The following GRM1 variants were observed in gnomAD, a reference collection of about 807,000 sequenced individuals.
GRM1 encodes metabotropic glutamate receptor 1.
GRM1 carries 33 observed loss-of-function variants against 90.9 expected under a neutral mutation model. The ratio of observed to expected loss-of-function variants is 0.36; its 90% CI spans 0.28 to 0.49. The LOEUF (loss-of-function observed/expected upper bound fraction) is 0.49. Ranked by LOEUF, GRM1 falls within the 20% of genes least tolerant of loss-of-function variation. The pLI is 0.99. For missense variants in GRM1, 1,190 were observed against 1,534.3 expected, an observed-to-expected ratio of 0.78 and a Z score of 3.75; for synonymous variants, 700 against 613.2, an observed-to-expected ratio of 1.14 and a Z score of -2.09.
intron 2 of GRM1, among the ~76,000 whole-genome samples, chr6:146,187,651 T>C (rs1778781284): frequency 6.6e-6 from 1 of 152,020 alleles, no homozygotes; most frequent in Non-Finnish European, 1.5e-5. Flanking sequence ...ATGGATGTTC[T>C]CTTATTACTG....
At chr6:146,126,420 C>A (rs1776202493) in intron 1 of GRM1, among the ~76,000 whole-genome samples, 1 of 152,044 alleles carries the variant, frequency 6.6e-6, no homozygotes. Flanking sequence ...CAAGTATACA[C>A]ATATTTTAAA....
intron 2 of GRM1, among the ~76,000 whole-genome samples, chr6:146,199,084 C>A (rs1274133889): frequency 1.3e-5 from 2 of 152,168 alleles, no homozygotes; most frequent in African/African-American, 4.8e-5. Flanking sequence ...TCTCCTAGAC[C>A]AGGTCAGCAG....
intron 6 of GRM1, among the ~76,000 whole-genome samples, chr6:146,397,661 C>T (rs909345973): frequency 2.0e-5 from 3 of 152,020 alleles, no homozygotes; most frequent in Admixed American, 6.6e-5. Flanking sequence ...AGCTGGTTGA[C>T]ATCACCTGTA....
intron 5 of GRM1, among the ~76,000 whole-genome samples, chr6:146,359,912 A>G (rs531644238): frequency 2.0e-5 from 3 of 152,328 alleles, no homozygotes; most frequent in Admixed American, 1.3e-4. Context: ...CATGCTCTCA[A>G]TACCAACCTG....
chr6:146,344,514 G>C (rs1785101530), intron 3 of GRM1, among the ~76,000 whole-genome samples: 1 of 152,100 alleles, frequency 6.6e-6, no homozygotes, highest in African/African-American at 2.4e-5. Context: ...AGACCTCCTT[G>C]CCTGTGTGCT....
intron 3 of GRM1, among the ~76,000 whole-genome samples, chr6:146,334,961 T>C (rs1174742412): frequency 1.3e-5 from 2 of 152,130 alleles, no homozygotes; most frequent in Non-Finnish European, 2.9e-5. Flanking sequence ...TTCTCTTTAT[T>C]GGATTTTTTC....
intron 2 of GRM1, among the ~76,000 whole-genome samples, chr6:146,266,581 T>C (rs1459275649): frequency 6.6e-6 from 1 of 152,208 alleles, no homozygotes; most frequent in African/African-American, 2.4e-5. Flanking sequence ...CTTTCCCTGA[T>C]CTCCCAGCTT....
chr6:146,028,454 A>T (rs889753317), upstream of GRM1, among the ~76,000 whole-genome samples: 1 of 151,862 alleles, frequency 6.6e-6, no homozygotes, highest in Non-Finnish European at 1.5e-5. Context: ...GCAACCCGGA[A>T]GCTCCCCTCC....
chr6:146,381,484 G>A (rs1776316017), intron 5 of GRM1, among the ~76,000 whole-genome samples: 1 of 152,166 alleles, frequency 6.6e-6, no homozygotes, highest in South Asian at 2.1e-4. Context: ...GCATCATGCT[G>A]CAGCATCTAG....
intron 1 of GRM1, among the ~76,000 whole-genome samples, chr6:146,051,734 T>G (rs538717076): frequency 6.6e-6 from 1 of 152,084 alleles, no homozygotes. Context: ...TTCATAATTG[T>G]TAGTGGATTT....
At chr6:146,035,794 A>G (rs566325787) in intron 1 of GRM1, among the ~76,000 whole-genome samples, 10 of 151,948 alleles carry the variant, frequency 6.6e-5, no homozygotes, top group Non-Finnish European at 1.5e-4. Context: ...TTTCTTTTAT[A>G]TCTTGGCTGG....
intron 2 of GRM1, among the ~76,000 whole-genome samples, chr6:146,215,617 A>T (rs1779842517): frequency 1.3e-5 from 2 of 151,190 alleles, no homozygotes; most frequent in Admixed American, 1.3e-4. Context: ...CTGATATTTT[A>T]AAAATGTGTT....
At chr6:146,230,628 A>G (rs1208569185) in intron 2 of GRM1, among the ~76,000 whole-genome samples, 2 of 151,902 alleles carry the variant, frequency 1.3e-5, no homozygotes, top group Non-Finnish European at 2.9e-5. Flanking sequence ...AACTAAACAC[A>G]CTCTTACCGT....
chr6:146,275,059 A>G (rs1782304478), intron 2 of GRM1, among the ~76,000 whole-genome samples: 2 of 152,166 alleles, frequency 1.3e-5, no homozygotes, highest in South Asian at 4.1e-4. Flanking sequence ...AAAATTAAAA[A>G]GAAAAAGATG....
At chr6:146,348,793 T>A (rs781159040) in intron 3 of GRM1, among the ~76,000 whole-genome samples, 5 of 152,144 alleles carry the variant, frequency 3.3e-5, no homozygotes, top group Non-Finnish European at 5.9e-5. Flanking sequence ...TTGACAATGG[T>A]GCCAGGGCAC....
intron 2 of GRM1, among the ~76,000 whole-genome samples, chr6:146,189,318 C>T (rs1457700275): frequency 6.6e-6 from 1 of 152,176 alleles, no homozygotes; most frequent in African/African-American, 2.4e-5. Context: ...TTCCCACCAG[C>T]TTTTTGAGCC....
chr6:146,143,036 C>A (rs1388608155), intron 1 of GRM1, among the ~76,000 whole-genome samples: 4 of 152,164 alleles, frequency 2.6e-5, no homozygotes, highest in African/African-American at 9.7e-5. Context: ...CAGTCTCCCC[C>A]AAGGCCCATG....
At chr6:146,409,874 CT>C (rs1482273350) in intron 7 of GRM1, among the ~76,000 whole-genome samples, 1 of 152,112 alleles carries the variant, frequency 6.6e-6, no homozygotes. Flanking sequence ...GGCTGAGCCC[CT>C]AGGTGATGCT....
At chr6:146,289,670 A>T (rs1359339454) in intron 2 of GRM1, among the ~76,000 whole-genome samples, 1 of 152,156 alleles carries the variant, frequency 6.6e-6, no homozygotes, top group African/African-American at 2.4e-5. Flanking sequence ...CATTCATAGT[A>T]AGTGTCCTGT....
Sources: gnomAD v4.1 joint callset for allele counts (sites outside exome capture counted in the v4.1 genomes callset) on GRCh38, gnomAD v4.1.1 for gene constraint, MANE v1.5 for transcripts, NCBI Gene and HGNC (gene_info 2026-07-23, HGNC 2026-07-21) for gene names.